Variants in CADPS observed in about 807,000 individuals in gnomAD.
CADPS encodes calcium-dependent secretion activator 1.
Under a neutral mutation model 167.3 loss-of-function variants are expected in CADPS, and 57 were observed. The observed-to-expected ratio is 0.34, with a 90% CI of 0.28 to 0.42. The LOEUF is 0.42. Among genes scored for constraint, CADPS ranks in the 20% least tolerant of loss-of-function variants. CADPS has a pLI of 1.00. For synonymous variants in CADPS, 676 were observed against 635.3 expected (o/e 1.06, Z -0.96); for missense variants, 1,414 against 1,738.1 (o/e 0.81, Z 3.32).
At chr3:62,571,056 G>T (rs549445490) in intron 8 of CADPS, 118 bp from the exon 9 acceptor site, 10 of 728,944 alleles carry the variant, frequency 1.4e-5, no homozygotes, top group Admixed American at 6.9e-5. Flanking sequence ...CTCAGGAACG[G>T]GGCGCAGATT....
At chr3:62,682,277 A>G (rs538706055) in intron 3 of CADPS, among the ~76,000 whole-genome samples, 1 of 152,138 alleles carries the variant, frequency 6.6e-6, no homozygotes, top group East Asian at 1.9e-4. Flanking sequence ...TTCACTGTTT[A>G]TTCTACTTTA....
intron 1 of CADPS, among the ~76,000 whole-genome samples, chr3:62,781,068 T>C (rs763326025): frequency 1.3e-4 from 20 of 152,194 alleles, no homozygotes; most frequent in Non-Finnish European, 2.8e-4. Context: ...TGATTCTGTC[T>C]GCTAATATGA....
chr3:62,625,715 T>G (rs2063949251), intron 6 of CADPS: 1 of 150,850 alleles, frequency 6.6e-6, no homozygotes, highest in Non-Finnish European at 1.5e-5. Context: ...ACCACTTCGT[T>G]TTGCTGGAAT....
At chr3:62,795,860 T>C (rs1467059508) in intron 1 of CADPS, among the ~76,000 whole-genome samples, 2 of 152,110 alleles carry the variant, frequency 1.3e-5, no homozygotes, top group Admixed American at 6.6e-5. Flanking sequence ...GAAGGATCAA[T>C]GGGAGGTAAC....
At position 62,786,136 on chromosome 3, in the gene CADPS, G is replaced by A. The variant is rs139671620; in HGVS notation, c.442-20152C>T. Among the ~76,000 whole-genome samples, 12 of 152,096 alleles carry A rather than the reference G, an allele frequency of 7.9e-5. No homozygotes were observed. The South Asian group carries it at 1.2e-3, about 16-fold the overall frequency. ...GCTGAGGCACAAGAATCGCTTGAAC[G>A]TGGGAGGCAGAGGTTGCAGTGAGCC... On this transcript the variant is annotated intron_variant, in intron 1 of 29. Transcript: ENST00000383710.
At chr3:62,488,922 G>A (rs575114063) in intron 21 of CADPS, among the ~76,000 whole-genome samples, 9 of 152,210 alleles carry the variant, frequency 5.9e-5, no homozygotes, top group African/African-American at 1.9e-4. Flanking sequence ...AAACACACAC[G>A]TATCTGCATA....
intron 15 of CADPS, among the ~76,000 whole-genome samples, 180 bp from the exon 16 acceptor site, chr3:62,516,362 G>A (rs1378728637): frequency 6.6e-6 from 1 of 152,128 alleles, no homozygotes; most frequent in Non-Finnish European, 1.5e-5. Context: ...CATGAGTCAG[G>A]GAAGGGCTAG....
At chr3:62,687,992 A>G (rs2078399942) in intron 3 of CADPS, among the ~76,000 whole-genome samples, 1 of 152,074 alleles carries the variant, frequency 6.6e-6, no homozygotes. Flanking sequence ...CATTTATTCA[A>G]CAAGTATTTA....
chr3:62,452,931 T>C (rs995942483), intron 26 of CADPS, among the ~76,000 whole-genome samples: 1 of 151,686 alleles, frequency 6.6e-6, no homozygotes, highest in African/African-American at 2.4e-5. Flanking sequence ...CTGGGCAAAA[T>C]AGGGAGACCT....
chr3:62,728,396 C>A (rs2077146906), intron 3 of CADPS, among the ~76,000 whole-genome samples: 1 of 151,746 alleles, frequency 6.6e-6, no homozygotes, highest in African/African-American at 2.4e-5. Context: ...CTATATCTAA[C>A]ACTCACCTCA....
intron 3 of CADPS, among the ~76,000 whole-genome samples, chr3:62,725,159 C>A (rs1033011381): frequency 1.4e-5 from 2 of 144,866 alleles, no homozygotes; most frequent in African/African-American, 2.6e-5. Context: ...CTTCCTTTAT[C>A]AAAAATCTAA....
intron 29 of CADPS, among the ~76,000 whole-genome samples, chr3:62,400,564 G>A (rs1249680617): frequency 1.3e-5 from 2 of 148,226 alleles, no homozygotes; most frequent in Non-Finnish European, 3.0e-5. Flanking sequence ...GCTAACATAC[G>A]TCAACACCAC....
intron 3 of CADPS, among the ~76,000 whole-genome samples, chr3:62,662,671 G>A (rs1403176311): frequency 1.3e-5 from 2 of 152,160 alleles, no homozygotes; most frequent in African/African-American, 4.8e-5. Context: ...TGTTTCTAAT[G>A]AGGACCAATG....
At chr3:62,467,386 C>A (rs1188507049) in intron 24 of CADPS, 6 of 766,814 alleles carry the variant, frequency 7.8e-6, no homozygotes, top group Admixed American at 4.2e-5. Context: ...CAAAAGGACA[C>A]ATGAGAAAAT....
Position 62,478,140 on chromosome 3 carries a change from G to T in CADPS, c.3329+121C>A. ...CCACTACTCCAGCTGACTTTGACAA[G>T]CAATCCCCTTCTCCAATTAGTTTCA... On this transcript the variant is annotated intron_variant, in intron 23 of 29. Coordinates refer to ENST00000383710, the MANE Select transcript of CADPS (RefSeq NM_003716.4). The surrounding 1 kb of genome is among the most constrained non-coding windows in gnomAD (Gnocchi z 5.7). 1.8e-6 allele frequency: 2 copies of T among 1,112,842 alleles called. No homozygotes were observed. The highest frequency in any genetic ancestry group is 1.6e-5 in the South Asian group (1 of 63,722). The allele number at this position is 1,112,842 out of a possible 1,614,324, so 68.9% of individuals were successfully genotyped here.
rs1490386996 is a variant in CADPS at position 62,598,599 on chromosome 3, C to T, written c.1326-5851G>A. Among the ~76,000 whole-genome samples the T allele has an allele frequency of 2.0e-5, 3 of 152,316 alleles. No individual in the cohort carries two copies. In the East Asian group the frequency reaches 5.8e-4, roughly 29 times the overall value. On this transcript the variant is annotated intron_variant, in intron 6 of 29. Coordinates refer to ENST00000383710, the MANE Select transcript of CADPS (RefSeq NM_003716.4). ...ATCTCAAAAGTGGGACACAGCCATA[C>T]ATGCATTTGATCATTTGAAAGCCTC...
chr3:62,565,510 T>C (rs144975484), intron 9 of CADPS, among the ~76,000 whole-genome samples: 30 of 152,278 alleles, frequency 2.0e-4, no homozygotes, highest in African/African-American at 7.2e-4. Context: ...TACGGAATAC[T>C]GGGCCCCACC....
chr3:62,438,095 T>C lies in CADPS; in HGVS notation c.3777+9A>G, dbSNP rs747001856. On this transcript the variant is annotated intron_variant, in intron 28 of 29. Coordinates refer to ENST00000383710, the MANE Select transcript of CADPS (RefSeq NM_003716.4). This position sits in a 1 kb window ranked among gnomAD's most constrained non-coding sequence, Gnocchi z 4.7. ...CTTGGTTTTCAAGGAGGAGAAGGCA[T>C]TTACTTACATCAAATAACCTTTCTA... The C allele has an allele frequency of 3.2e-6, 5 of 1,586,860 alleles. No individual in the cohort carries two copies. The highest frequency in any genetic ancestry group is 4.3e-6 in the Non-Finnish European group (5 of 1,155,808).
At chr3:62,547,955 G>C (rs1192624966) in intron 11 of CADPS, among the ~76,000 whole-genome samples, 2 of 152,038 alleles carry the variant, frequency 1.3e-5, no homozygotes, top group Non-Finnish European at 2.9e-5. Flanking sequence ...TTCTTAATCT[G>C]GGCAGATGAT....
Sources: gnomAD v4.1 joint callset for allele counts (sites outside exome capture counted in the v4.1 genomes callset) on GRCh38, gnomAD v4.1.1 for gene constraint, Gnocchi (gnomAD v3.1) non-coding constraint, MANE v1.5 for transcripts, NCBI Gene and HGNC (gene_info 2026-07-23, HGNC 2026-07-21) for gene names.